PCDHGB1: variants seen among roughly 807,000 people sequenced by gnomAD.
PCDHGB1 encodes protocadherin gamma subfamily B, 1.
Under a neutral mutation model 56.6 loss-of-function variants are expected in PCDHGB1, and 34 were observed. That is an observed-to-expected ratio of 0.60 (90% CI 0.46 to 0.80). The LOEUF (loss-of-function observed/expected upper bound fraction) is 0.80. Ranked by LOEUF, PCDHGB1 falls within the 30% of genes least tolerant of loss-of-function variation. The probability of loss-of-function intolerance (pLI) is 0.00; values close to 1 mark genes in which losing one functional copy is unlikely to be tolerated. For synonymous variants in PCDHGB1, 561 were observed against 505.9 expected, an observed-to-expected ratio of 1.11 and a Z score of -1.46; for missense variants, 1,278 against 1,204.6, an observed-to-expected ratio of 1.06 and a Z score of -0.90.
In PCDHGB1 at chr5:141,363,308, G is replaced by A. The variant is rs144371866; in HGVS notation, c.2409+10639G>A. ...ATTATATAGAATTTTTATTTTCTTA[G>A]TTTTCTATGAAAGTGTTATTAAATA... On this transcript the variant is annotated intron_variant, in intron 1 of 3. Transcript: ENST00000523390. Among the ~76,000 whole-genome samples, 211 of 152,094 alleles carry A rather than the reference G, an allele frequency of 1.4e-3. 2 individuals carry two copies. Among genetic ancestry groups the A allele is most frequent in the African/African-American group, 5.0e-3 (207 of 41,486 alleles).
intron 1 of PCDHGB1, among the ~76,000 whole-genome samples, chr5:141,380,132 T>A (rs552082658): frequency 4.4e-4 from 67 of 152,174 alleles, no homozygotes; most frequent in African/African-American, 1.6e-3. Context: ...ACTCCTGACC[T>A]TAAGTGATCC....
Position 141,370,893 on chromosome 5 carries a change from C to G in PCDHGB1, c.2409+18224C>G, listed in dbSNP as rs116495533. On this transcript the variant is annotated intron_variant, in intron 1 of 3. Coordinates refer to ENST00000523390, the MANE Select transcript of PCDHGB1 (RefSeq NM_018922.3). ...AGATCCTGATGTAGGTGTCAATTCG[C>G]TGCAGCAGTACTACCTCAGCCCTGA... The G allele has an allele frequency of 1.9e-3, 3,002 of 1,614,052 alleles. 48 individuals carry two copies. In the African/African-American group the frequency reaches 0.033, roughly 18 times the overall value.
Position 141,490,688 on chromosome 5 carries a change from C to G in PCDHGB1, c.2410-4119C>G. 1 of 1,614,218 alleles carries G rather than the reference C, an allele frequency of 6.2e-7. No individual in the cohort carries two copies. Among genetic ancestry groups the G allele is most frequent in the Non-Finnish European group, 8.5e-7 (1 of 1,180,032 alleles). On this transcript the variant is annotated intron_variant, in intron 1 of 3. Coordinates refer to ENST00000523390, the MANE Select transcript of PCDHGB1 (RefSeq NM_018922.3). The surrounding 1 kb of genome is among the most constrained non-coding windows in gnomAD (Gnocchi z 5.4). ...ACTGTGGCTGCCTCAGATCCAGACA[C>G]TGGGGATAATGCCCGCCTCACCTAC...
chr5:141,399,109 A>G (rs1346301996), intron 1 of PCDHGB1: 4 of 1,613,714 alleles, frequency 2.5e-6, no homozygotes, highest in Admixed American at 3.3e-5. Context: ...TGCACAATGT[A>G]CAGTTGAAAT....
chr5:141,494,142 A>G (rs2099752161), intron 1 of PCDHGB1, among the ~76,000 whole-genome samples: 1 of 152,090 alleles, frequency 6.6e-6, no homozygotes, highest in South Asian at 2.1e-4. Context: ...TTAGTCACAG[A>G]CCATTGTCTG....
At chr5:141,403,403 C>T in intron 1 of PCDHGB1, 5 of 1,614,066 alleles carry the variant, frequency 3.1e-6, no homozygotes, top group Non-Finnish European at 4.2e-6. Context: ...TCCTGGAGCA[C>T]GTTATCCACT....
chr5:141,419,117 G>T (rs1362880648), intron 1 of PCDHGB1: 1 of 1,613,718 alleles, frequency 6.2e-7, no homozygotes, highest in African/African-American at 1.3e-5. Context: ...AGAGTACAAC[G>T]TCACCATCGC....
Position 141,495,011 on chromosome 5 carries a change from G to A in PCDHGB1, c.2468+146G>A, listed in dbSNP as rs2099758277. On this transcript the variant is annotated intron_variant, in intron 2 of 3. Coordinates refer to ENST00000523390, the MANE Select transcript of PCDHGB1 (RefSeq NM_018922.3). ...CCAGGGAGGTCTTGGTGTGCGGGGG[G>A]CTGGCACACAGACCCCGGAAGGAAG... is the stretch of plus-strand genomic sequence containing the variant. 4.6e-6 allele frequency: 7 copies of A among 1,512,044 alleles called. No individual in the cohort carries two copies. In the East Asian group the frequency reaches 1.5e-4, roughly 32 times the overall value. 93.7% of individuals were successfully genotyped at this position (1,512,044 alleles called of 1,614,324 possible).
chr5:141,489,660 G>A lies in PCDHGB1; in HGVS notation c.2410-5147G>A, dbSNP rs763985085. 3 of 1,614,096 alleles carry A rather than the reference G, an allele frequency of 1.9e-6. No individual in the cohort carries two copies. Among genetic ancestry groups the A allele is most frequent in the Non-Finnish European group, 2.5e-6 (3 of 1,180,036 alleles). On this transcript the variant is annotated intron_variant, in intron 1 of 3. Coordinates refer to ENST00000523390, the MANE Select transcript of PCDHGB1 (RefSeq NM_018922.3). The surrounding 1 kb of genome is among the most constrained non-coding windows in gnomAD (Gnocchi z 4.5). Reference sequence around the variant, plus strand: ...GCTTTGCCACCCCTGAGCGAGAGATGCGCATCTCAGAATCAGCAGCATCTG... The same window carrying A: ...GCTTTGCCACCCCTGAGCGAGAGATACGCATCTCAGAATCAGCAGCATCTG...
intron 1 of PCDHGB1, among the ~76,000 whole-genome samples, chr5:141,472,015 T>C (rs2099269555): frequency 6.6e-6 from 1 of 152,164 alleles, no homozygotes; most frequent in African/African-American, 2.4e-5. Flanking sequence ...AGGGGCACTA[T>C]ATTGTATGTA....
chr5:141,435,290 A>G (rs2097756551), intron 1 of PCDHGB1, among the ~76,000 whole-genome samples: 1 of 152,158 alleles, frequency 6.6e-6, no homozygotes, highest in African/African-American at 2.4e-5. Context: ...ATCCCAAGTC[A>G]TTTCATGGTT....
intron 1 of PCDHGB1, among the ~76,000 whole-genome samples, chr5:141,437,093 C>T (rs1382920904): frequency 2.6e-5 from 4 of 152,136 alleles, no homozygotes; most frequent in East Asian, 1.9e-4. Flanking sequence ...TTGAAACTAA[C>T]GGCTTAGCTT....
At chr5:141,361,204 C>T (rs977758534) in intron 1 of PCDHGB1, 9 of 1,613,832 alleles carry the variant, frequency 5.6e-6, no homozygotes, top group Non-Finnish European at 7.6e-6. Flanking sequence ...TACTCCCCTA[C>T]CGGAGGATTC....
chr5:141,456,020 C>T (rs2098840631), intron 1 of PCDHGB1, among the ~76,000 whole-genome samples: 1 of 151,834 alleles, frequency 6.6e-6, no homozygotes, highest in South Asian at 2.1e-4. Flanking sequence ...GCCTCAGCCT[C>T]CCGAGTAGCT....
chr5:141,490,589 A>G lies in PCDHGB1; in HGVS notation c.2410-4218A>G, dbSNP rs761250654. On this transcript the variant is annotated intron_variant, in intron 1 of 3. Transcript: ENST00000523390. The surrounding 1 kb of genome is among the most constrained non-coding windows in gnomAD (Gnocchi z 5.4). ...CTCAACATTTCAGATGTCAATGACA[A>G]TGCACCCCGCTTCAACCAGCAGCTT... The G allele has an allele frequency of 5.7e-5, 92 of 1,614,042 alleles. No individual in the cohort carries two copies. Among genetic ancestry groups the G allele is most frequent in the Non-Finnish European group, 7.6e-5 (90 of 1,180,036 alleles).
intron 1 of PCDHGB1, chr5:141,357,343 A>C: frequency 6.2e-7 from 1 of 1,614,080 alleles, no homozygotes; most frequent in Non-Finnish European, 8.5e-7. Flanking sequence ...GCTAGCACTC[A>C]AGCTGAGACG....
At chr5:141,414,918 G>A (rs1316323072) in intron 1 of PCDHGB1, 2 of 1,614,180 alleles carry the variant, frequency 1.2e-6, no homozygotes, top group Admixed American at 3.3e-5. Flanking sequence ...GCGTGGAGCT[G>A]GCGCCCCGCT....
At chr5:141,415,185 C>G (rs375113497) in intron 1 of PCDHGB1, 66 of 1,613,860 alleles carry the variant, frequency 4.1e-5, no homozygotes, top group Non-Finnish European at 5.4e-5. Flanking sequence ...CCGTGGCCGA[C>G]AGCATCCCCC....
rs756005665 is a variant in PCDHGB1, at chr5:141,351,018, C to T, written c.758C>T (p.Pro253Leu). 1.1e-5 allele frequency: 18 copies of T among 1,613,906 alleles called. No homozygotes were observed. Among genetic ancestry groups the T allele is most frequent in the African/African-American group, 1.1e-4 (8 of 74,934 alleles). ...AGGGTTAGCCTCCAAGAAAACGTAC[C>T]GTGGGGAACCTCCGTGCTGCGGGTG... ...VYRVSLQENV[P>L]WGTSVLRVMA... is the part of the protein sequence containing the mutation. Residue 253 changes from proline to leucine, a missense_variant, in exon 1 of 4, where the codon CCG (proline) becomes CTG (leucine). Pro to Leu is a moderately conservative substitution (Grantham distance 98, BLOSUM62 -3). Transcript: ENST00000523390.
Sources: gnomAD v4.1 joint callset for allele counts (sites outside exome capture counted in the v4.1 genomes callset) on GRCh38, gnomAD v4.1.1 for gene constraint, Gnocchi (gnomAD v3.1) non-coding constraint, MANE v1.5 for transcripts, NCBI Gene and HGNC (gene_info 2026-07-23, HGNC 2026-07-21) for gene names.